GALNT17: variants seen among roughly 807,000 people sequenced by gnomAD.
The protein encoded by GALNT17 is polypeptide N-acetylgalactosaminyltransferase 17.
In GALNT17, 29 loss-of-function variants were observed where a neutral mutation model predicts 63.7. That is an observed-to-expected ratio of 0.46 (90% CI 0.34 to 0.62). The LOEUF (loss-of-function observed/expected upper bound fraction) is 0.62. GALNT17 is among the 20% of genes least tolerant of loss of function. GALNT17 has a pLI of 0.01. For missense variants in GALNT17, 603 were observed against 799.6 expected (o/e 0.75, Z 2.97); for synonymous variants, 305 against 318.3 (o/e 0.96, Z 0.45).
In GALNT17 at chr7:71,644,291, C is replaced by T. The variant is rs190066730; in HGVS notation, c.1081-21120C>T. ...GTGGCTCACACCTGTAATCCCAGCA[C>T]TTTGGAAGGTCAAGGTGAGCGGATC... On this transcript the variant is annotated intron_variant, in intron 6 of 10. Transcript: ENST00000333538. Among the ~76,000 whole-genome samples the T allele has an allele frequency of 2.0e-5, 3 of 151,540 alleles. No individual in the cohort carries two copies. The East Asian group carries it at 5.9e-4, about 30-fold the overall frequency.
chr7:71,636,910 A>AG (rs1362200389), intron 6 of GALNT17, among the ~76,000 whole-genome samples: 8 of 152,264 alleles, frequency 5.3e-5, no homozygotes, highest in African/African-American at 1.4e-4. Context: ...GGGGACGAAA[A>AG]GAAGAGAAAT....
intron 1 of GALNT17, among the ~76,000 whole-genome samples, chr7:71,194,815 C>T (rs534014298): frequency 2.6e-4 from 40 of 152,322 alleles, no homozygotes; most frequent in Non-Finnish European, 4.7e-4. Context: ...GGTGGAGTTA[C>T]ATCAGAGCCC....
intron 5 of GALNT17, among the ~76,000 whole-genome samples, chr7:71,509,028 C>T (rs1322358160): frequency 1.3e-5 from 2 of 152,130 alleles, no homozygotes; most frequent in African/African-American, 4.8e-5. Context: ...AAACAGTTTC[C>T]GACTTAAAAA....
At chr7:71,641,447 T>C (rs775770388) in intron 6 of GALNT17, among the ~76,000 whole-genome samples, 2 of 152,090 alleles carry the variant, frequency 1.3e-5, no homozygotes, top group Non-Finnish European at 2.9e-5. Flanking sequence ...CAGAAATTGA[T>C]TTCTCACAGT....
At chr7:71,520,767 G>T (rs2116750277) in intron 5 of GALNT17, among the ~76,000 whole-genome samples, 1 of 152,228 alleles carries the variant, frequency 6.6e-6, no homozygotes, top group African/African-American at 2.4e-5. Flanking sequence ...AGGGCAGATG[G>T]GTTTAGGAGG....
chr7:71,397,985 A>G (rs980613990), intron 3 of GALNT17, among the ~76,000 whole-genome samples: 1 of 148,244 alleles, frequency 6.7e-6, no homozygotes. Context: ...TTGTTTTAGA[A>G]GAACCAAAGG....
rs558302326 is a variant in GALNT17, at chr7:71,201,135, C to T, written c.238+68095C>T. Among the ~76,000 whole-genome samples the T allele has an allele frequency of 2.0e-5, 3 of 151,348 alleles. No homozygotes were observed. In the East Asian group the frequency reaches 5.9e-4, roughly 30 times the overall value. ...CTTTAATTACTGACATCATTAAATC[C>T]ATTTTCAGTAATTGGCTTATTAAAG... On this transcript the variant is annotated intron_variant, in intron 1 of 10. Coordinates refer to ENST00000333538, the MANE Select transcript of GALNT17 (RefSeq NM_022479.3).
chr7:71,206,124 G>T (rs1296530178), intron 1 of GALNT17, among the ~76,000 whole-genome samples: 3 of 147,942 alleles, frequency 2.0e-5, no homozygotes, highest in African/African-American at 7.4e-5. Flanking sequence ...TATGAGGTGT[G>T]TGTTTGTGTG....
At chr7:71,512,671 C>T (rs58681218) in intron 5 of GALNT17, among the ~76,000 whole-genome samples, 2,133 of 152,296 alleles carry the variant, frequency 0.014, 47 homozygotes, top group African/African-American at 0.048. Context: ...GGTCCACCCC[C>T]TGGGAAGTGG....
intron 1 of GALNT17, among the ~76,000 whole-genome samples, chr7:71,279,585 A>G (rs1208133255): frequency 1.3e-5 from 2 of 151,720 alleles, no homozygotes; most frequent in Non-Finnish European, 2.9e-5. Flanking sequence ...TACATCAACA[A>G]GGACTACATT....
At chr7:71,489,754 A>G (rs546170625) in intron 5 of GALNT17, among the ~76,000 whole-genome samples, 65 of 152,382 alleles carry the variant, frequency 4.3e-4, no homozygotes, top group African/African-American at 1.5e-3. Context: ...TAGCTTATAC[A>G]GCATTTTCAC....
intron 6 of GALNT17, among the ~76,000 whole-genome samples, chr7:71,623,199 G>A (rs192015730): frequency 6.6e-6 from 1 of 152,232 alleles, no homozygotes; most frequent in Non-Finnish European, 1.5e-5. Flanking sequence ...TGGTTTACTA[G>A]TTGTGTGGCA....
chr7:71,472,414 C>T (rs1028615550), intron 5 of GALNT17, among the ~76,000 whole-genome samples: 23 of 152,276 alleles, frequency 1.5e-4, no homozygotes, highest in Admixed American at 5.9e-4. Context: ...TAGGGCTGGG[C>T]GCGGTGGCTC....
At chr7:71,157,915 A>G (rs780338837) in intron 1 of GALNT17, among the ~76,000 whole-genome samples, 2 of 151,652 alleles carry the variant, frequency 1.3e-5, no homozygotes, top group African/African-American at 2.4e-5. Flanking sequence ...ACTTAAAATA[A>G]TGTATGTCAG....
At chr7:71,412,781 G>A (rs764033010) in intron 3 of GALNT17, among the ~76,000 whole-genome samples, 7 of 152,074 alleles carry the variant, frequency 4.6e-5, no homozygotes, top group Non-Finnish European at 8.8e-5. Context: ...GGTGGCTCAC[G>A]CCTGTAATCC....
chr7:71,581,685 G>C (rs1181355795), intron 6 of GALNT17, among the ~76,000 whole-genome samples: 3 of 152,156 alleles, frequency 2.0e-5, no homozygotes, highest in African/African-American at 7.2e-5. Flanking sequence ...GGATTATTAA[G>C]GGTATCTCCC....
Position 71,158,119 on chromosome 7 carries a change from T to A in GALNT17, c.238+25079T>A, listed in dbSNP as rs150282800. Among the ~76,000 whole-genome samples, 1,383 of 148,830 alleles carry A rather than the reference T, an allele frequency of 9.3e-3. 7 individuals carry two copies. Among genetic ancestry groups the A allele is most frequent in the Middle Eastern group, 0.021 (6 of 290 alleles). On this transcript the variant is annotated intron_variant, in intron 1 of 10. Transcript: ENST00000333538. ...GCAAATATCTCTTTGATATATTGAT[T>A]CCCCCTTTTTTTTTTTGGATCCATA...
chr7:71,307,294 C>A (rs558214907), intron 1 of GALNT17, among the ~76,000 whole-genome samples: 2 of 152,116 alleles, frequency 1.3e-5, no homozygotes, highest in African/African-American at 4.8e-5. Flanking sequence ...TCCTCGCCAA[C>A]ACTTGTTATT....
intron 5 of GALNT17, among the ~76,000 whole-genome samples, chr7:71,431,775 G>A (rs1211279370): frequency 1.3e-5 from 2 of 152,108 alleles, no homozygotes; most frequent in African/African-American, 4.8e-5. Flanking sequence ...TGTGTTTGGG[G>A]TCTTAAAGCC....
Sources: gnomAD v4.1 joint callset for allele counts (sites outside exome capture counted in the v4.1 genomes callset) on GRCh38, gnomAD v4.1.1 for gene constraint, MANE v1.5 for transcripts, NCBI Gene and HGNC (gene_info 2026-07-23, HGNC 2026-07-21) for gene names.